TNIK: variants seen among roughly 807,000 people sequenced by gnomAD.
TNIK encodes the protein TRAF2 and NCK interacting kinase.
TNIK carries 49 observed loss-of-function variants against 191.3 expected under a neutral mutation model. The ratio of observed to expected loss-of-function variants is 0.26; its 90% CI spans 0.20 to 0.32. TNIK has a LOEUF of 0.32. Ranked by LOEUF, TNIK falls within the 10% of genes least tolerant of loss-of-function variation. The pLI, the probability that TNIK is intolerant of heterozygous loss-of-function variation, is 1.00. For synonymous variants in TNIK, 594 were observed against 600.9 expected (o/e 0.99, Z 0.17); for missense variants, 1,155 against 1,702.3 (o/e 0.68, Z 5.66).
rs893920105 is a variant in TNIK at position 171,101,361 on chromosome 3, A to G, written c.2591+88T>C. 3.5e-6 allele frequency: 5 copies of G among 1,439,138 alleles called. No individual in the cohort carries two copies. The South Asian group carries it at 5.7e-5, about 16-fold the overall frequency. The allele number at this position is 1,439,138 out of a possible 1,614,324, so 89.1% of individuals were successfully genotyped here. On this transcript the variant is annotated intron_variant, in intron 22 of 32. Coordinates refer to ENST00000436636, the MANE Select transcript of TNIK (RefSeq NM_015028.4). Reference sequence around the variant, plus strand: ...TTTATCTTGCCACAGACCCATATACAATCTTACATTTAACTCATATTTTTT... The same window carrying G: ...TTTATCTTGCCACAGACCCATATACGATCTTACATTTAACTCATATTTTTT...
intron 1 of TNIK, among the ~76,000 whole-genome samples, chr3:171,414,743 C>T (rs1238774455): frequency 6.6e-6 from 1 of 152,194 alleles, no homozygotes; most frequent in African/African-American, 2.4e-5. Flanking sequence ...GTGTGTAACC[C>T]ACTGCTAATT....
chr3:171,144,880 A>C (rs1180631585), intron 12 of TNIK, among the ~76,000 whole-genome samples: 1 of 152,128 alleles, frequency 6.6e-6, no homozygotes, highest in Non-Finnish European at 1.5e-5. Flanking sequence ...TGTGCCTGGA[A>C]TCTTTCACTT....
intron 2 of TNIK, among the ~76,000 whole-genome samples, chr3:171,229,970 G>A (rs547570046): frequency 7.9e-5 from 12 of 152,292 alleles, no homozygotes; most frequent in Admixed American, 5.9e-4. Flanking sequence ...ACCACCGGCT[G>A]TGTCTGGGCC....
rs184444067 is a variant in TNIK at position 171,159,209 on chromosome 3, G to A, written c.1017-1545C>T. Among the ~76,000 whole-genome samples, 320 of 152,080 alleles carry A rather than the reference G, an allele frequency of 2.1e-3. 3 individuals are homozygous for A. The highest frequency in any genetic ancestry group is 2.3e-3 in the Non-Finnish European group (153 of 67,914). The stretch of plus-strand genomic sequence containing the variant: ...CCAGGGCGAGAGCAGAGCGGGTGGA[G>A]GAGGGAAGGAGCGTTTGGGGATAGA... On this transcript the variant is annotated intron_variant, in intron 11 of 32. Transcript: ENST00000436636. This position sits in a 1 kb window ranked among gnomAD's most constrained non-coding sequence, Gnocchi z 4.1.
chr3:171,301,609 C>A lies in TNIK; in HGVS notation c.123+68011G>T, dbSNP rs144420673. On this transcript the variant is annotated intron_variant, in intron 2 of 32. Coordinates refer to ENST00000436636, the MANE Select transcript of TNIK (RefSeq NM_015028.4). Reference sequence around the variant, plus strand: ...GGATTACAGGCGTGAGCCACCACATCCAGCCTTAGCCTGGACTTTTCAACA... The same window carrying A: ...GGATTACAGGCGTGAGCCACCACATACAGCCTTAGCCTGGACTTTTCAACA... Among the ~76,000 whole-genome samples the A allele has an allele frequency of 5.9e-4, 90 of 152,332 alleles. 2 individuals are homozygous for A. The East Asian group carries it at 0.016, about 27-fold the overall frequency.
Position 171,434,251 on chromosome 3 carries a change from C to T in TNIK, c.57+25756G>A, listed in dbSNP as rs1051411689. On this transcript the variant is annotated intron_variant, in intron 1 of 32. Transcript: ENST00000436636. ...ATGCCTGGCCAAGGGTATCTTTTTT[C>T]AAATATATTTTGTAATTGATTGTTT... 2.0e-5 allele frequency among the ~76,000 whole-genome samples: 3 copies of T among 151,874 alleles called. No individual in the cohort carries two copies. In the East Asian group the frequency reaches 5.8e-4, roughly 29 times the overall value.
In TNIK at chr3:171,437,939, G is replaced by A. The variant is rs1726226029; in HGVS notation, c.57+22068C>T. Among the ~76,000 whole-genome samples, 2 of 152,196 alleles carry A rather than the reference G, an allele frequency of 1.3e-5. 1 individual carries two copies. Among genetic ancestry groups the A allele is most frequent in the Admixed American group, 1.3e-4 (2 of 15,280 alleles). On this transcript the variant is annotated intron_variant, in intron 1 of 32. Coordinates refer to ENST00000436636, the MANE Select transcript of TNIK (RefSeq NM_015028.4). Reference sequence around the variant, plus strand: ...GCTAATCAGCTAGCTAGCTATCCACGCCATGAGGCGGCAAAATGTCTTTTC... The same window carrying A: ...GCTAATCAGCTAGCTAGCTATCCACACCATGAGGCGGCAAAATGTCTTTTC...
At chr3:171,070,622 T>C (rs1385949036) in intron 29 of TNIK, among the ~76,000 whole-genome samples, 1 of 152,128 alleles carries the variant, frequency 6.6e-6, no homozygotes, top group Admixed American at 6.5e-5. Flanking sequence ...AGGACTAGCA[T>C]ATCCCCATCC....
At position 171,224,238 on chromosome 3, in the gene TNIK, A is replaced by G. The variant is rs1742709087; in HGVS notation, c.180+3927T>C. ...TGAGGTTTTTGTTGTTTTAATTCAT[A>G]CAAGCTAGTAAATTCCCTTTTCAGC... On this transcript the variant is annotated intron_variant, in intron 3 of 32. Transcript: ENST00000436636. 2.0e-5 allele frequency among the ~76,000 whole-genome samples: 3 copies of G among 152,202 alleles called. No individual in the cohort carries two copies. The South Asian group carries it at 6.2e-4, about 32-fold the overall frequency.
intron 2 of TNIK, among the ~76,000 whole-genome samples, chr3:171,243,956 A>AG (rs1174265326): frequency 6.6e-6 from 1 of 152,166 alleles, no homozygotes; most frequent in African/African-American, 2.4e-5. Context: ...TTAGATCCAG[A>AG]GTATTCTTCC....
At chr3:171,410,217 C>T (rs1385330354) in intron 1 of TNIK, among the ~76,000 whole-genome samples, 5 of 152,164 alleles carry the variant, frequency 3.3e-5, no homozygotes, top group Non-Finnish European at 5.9e-5. Context: ...GAAAACAAAC[C>T]ACCCTAAAAC....
At chr3:171,352,194 C>A (rs1370700482) in intron 2 of TNIK, among the ~76,000 whole-genome samples, 1 of 152,190 alleles carries the variant, frequency 6.6e-6, no homozygotes. Flanking sequence ...AATTGGGCTT[C>A]AAAGAGAAGT....
rs1210214274 is a variant in TNIK at position 171,167,192 on chromosome 3, C to T, written c.852G>A (p.Met284Ile). 1.1e-5 allele frequency: 18 copies of T among 1,613,842 alleles called. No individual in the cohort carries two copies. The highest frequency in any genetic ancestry group is 1.3e-5 in the African/African-American group (1 of 74,918). ...GTTGGTCTCGTATAAATGGATGCTT[C>T]ATCAATTGTTCTGTTGCTGGTCGCT... ...HSQRPATEQL[M>I]KHPFIRDQPN... The change falls in exon 10 of 33, where the codon ATG (methionine) becomes ATA (isoleucine). Residue 284 changes from methionine (M) to isoleucine (I), a missense_variant. Physicochemically the swap from Met to Ile is conservative, Grantham distance 10. Around this residue, in one of 3 missense-constraint regions of TNIK, gnomAD observed 225 missense variants for 438.9 expected, o/e 0.51. Coordinates refer to ENST00000436636, the MANE Select transcript of TNIK (RefSeq NM_015028.4).
Position 171,382,664 on chromosome 3 carries a change from G to A in TNIK, c.58-12979C>T, listed in dbSNP as rs574359876. On this transcript the variant is annotated intron_variant, in intron 1 of 32. Coordinates refer to ENST00000436636, the MANE Select transcript of TNIK (RefSeq NM_015028.4). ...GATGTTCCACTTCCAGATGGAATAT[G>A]TGACTGACAGTTCAAATCATTGTGA... 6.6e-5 allele frequency among the ~76,000 whole-genome samples: 10 copies of A among 152,286 alleles called. No homozygotes were observed. In the South Asian group the frequency reaches 2.1e-3, roughly 32 times the overall value.
chr3:171,179,893 C>A (rs1560223539), intron 7 of TNIK, among the ~76,000 whole-genome samples: 1 of 152,176 alleles, frequency 6.6e-6, no homozygotes, highest in Non-Finnish European at 1.5e-5. Context: ...CTTAAGGTCC[C>A]TGTGCTATTT....
At chr3:171,452,569 C>T (rs1298176272) in intron 1 of TNIK, among the ~76,000 whole-genome samples, 2 of 152,130 alleles carry the variant, frequency 1.3e-5, no homozygotes, top group African/African-American at 4.8e-5. Context: ...CCCAAACTCT[C>T]TCTACCCGCT....
chr3:171,274,890 G>C (rs963087083), intron 2 of TNIK, among the ~76,000 whole-genome samples: 3 of 152,162 alleles, frequency 2.0e-5, no homozygotes, highest in African/African-American at 7.2e-5. Context: ...AGAAATTTAT[G>C]GGCAGGACCC....
chr3:171,447,407 C>T (rs2108714867), intron 1 of TNIK, among the ~76,000 whole-genome samples: 2 of 152,196 alleles, frequency 1.3e-5, no homozygotes, highest in East Asian at 1.9e-4. Context: ...CACCACTATG[C>T]TCATGAAAGA....
At chr3:171,274,273 G>C in intron 2 of TNIK, among the ~76,000 whole-genome samples, 1 of 152,160 alleles carries the variant, frequency 6.6e-6, no homozygotes, top group Non-Finnish European at 1.5e-5. Flanking sequence ...TTTCAGGGCT[G>C]AAAAGCAAGG....
Sources: gnomAD v4.1 joint callset for allele counts (sites outside exome capture counted in the v4.1 genomes callset) on GRCh38, gnomAD v4.1.1 for gene constraint, gnomAD v4.1.1 regional missense constraint, Gnocchi (gnomAD v3.1) non-coding constraint, MANE v1.5 for transcripts, NCBI Gene and HGNC (gene_info 2026-07-23, HGNC 2026-07-21) for gene names.